The following PTPRG variants were observed in gnomAD, a reference collection of about 807,000 sequenced individuals.
PTPRG encodes the protein receptor-type tyrosine-protein phosphatase gamma.
A neutral mutation model predicts 165.3 loss-of-function variants in PTPRG; 102 were observed. That is an observed-to-expected ratio of 0.62 (90% CI 0.53 to 0.73). The LOEUF is 0.73. Ranked by LOEUF, PTPRG falls within the 30% of genes least tolerant of loss-of-function variation. The pLI, the probability that PTPRG is intolerant of heterozygous loss-of-function variation, is 0.00. For missense variants in PTPRG, 1,866 were observed against 1,861.4 expected (o/e 1.00, Z -0.05); for synonymous variants, 675 against 669.5 (o/e 1.01, Z -0.13).
At chr3:61,643,726 T>G (rs950742287) in intron 1 of PTPRG, among the ~76,000 whole-genome samples, 1 of 151,410 alleles carries the variant, frequency 6.6e-6, no homozygotes, top group African/African-American at 2.4e-5. Flanking sequence ...ATTGCACCAG[T>G]GCACTCCAGC....
At chr3:61,864,168 C>G (rs928684058) in intron 2 of PTPRG, among the ~76,000 whole-genome samples, 2 of 152,170 alleles carry the variant, frequency 1.3e-5, no homozygotes, top group Non-Finnish European at 2.9e-5. Context: ...TCAAAATCCT[C>G]TCTTTGAACC....
intron 4 of PTPRG, 109 bp from the exon 5 acceptor site, chr3:62,078,054 G>T: frequency 1.5e-6 from 1 of 685,014 alleles, no homozygotes; most frequent in East Asian, 3.2e-5. Context: ...GAATAAATTT[G>T]GCAAAATCTT....
rs543202153 is a variant in PTPRG at position 61,836,796 on chromosome 3, G to A, written c.190+87814G>A. 4.6e-5 allele frequency among the ~76,000 whole-genome samples: 7 copies of A among 152,222 alleles called. No homozygotes were observed. In the East Asian group the frequency reaches 7.7e-4, roughly 17 times the overall value. On this transcript the variant is annotated intron_variant, in intron 2 of 29. Transcript: ENST00000474889. ...GTCTCTGTCTGTCACCCAGGCTGGA[G>A]TGCAATGGCACAATCTCGGCTCACT...
chr3:61,683,744 T>C (rs1194013938), intron 1 of PTPRG, among the ~76,000 whole-genome samples: 2 of 152,250 alleles, frequency 1.3e-5, no homozygotes, highest in African/African-American at 4.8e-5. Context: ...GGAAGCCTTC[T>C]TGAAAAACAT....
intron 1 of PTPRG, among the ~76,000 whole-genome samples, chr3:61,579,622 T>A (rs1700238466): frequency 6.6e-6 from 1 of 152,246 alleles, no homozygotes; most frequent in African/African-American, 2.4e-5. Context: ...AAGCCAGGCT[T>A]CTGACTCCAA....
intron 1 of PTPRG, among the ~76,000 whole-genome samples, chr3:61,677,543 G>A (rs1191356986): frequency 6.6e-6 from 1 of 152,180 alleles, no homozygotes; most frequent in Admixed American, 6.5e-5. Context: ...TTTGGTAGAT[G>A]TATATTTACT....
chr3:61,794,489 G>A (rs1245483287), intron 2 of PTPRG, among the ~76,000 whole-genome samples: 6 of 152,112 alleles, frequency 3.9e-5, no homozygotes, highest in Admixed American at 6.6e-5. Context: ...CATGCCTTCC[G>A]AAGTCTTTCA....
At chr3:61,719,259 T>G (rs775078837) in intron 1 of PTPRG, among the ~76,000 whole-genome samples, 2 of 152,250 alleles carry the variant, frequency 1.3e-5, no homozygotes, top group African/African-American at 4.8e-5. Context: ...TCTATGAAGA[T>G]GTAATCGAGG....
intron 5 of PTPRG, among the ~76,000 whole-genome samples, chr3:62,108,619 C>T (rs1347215379): frequency 3.9e-5 from 6 of 152,342 alleles, no homozygotes; most frequent in Admixed American, 6.5e-5. Flanking sequence ...GGAATCACCA[C>T]GCTGTCTTCC....
At chr3:61,576,551 T>G (rs553096632) in intron 1 of PTPRG, among the ~76,000 whole-genome samples, 19 of 152,304 alleles carry the variant, frequency 1.2e-4, no homozygotes, top group African/African-American at 4.6e-4. Context: ...ATCACAGAGC[T>G]TTTTGCTACT....
chr3:61,932,262 C>A (rs1211085856), intron 2 of PTPRG, among the ~76,000 whole-genome samples: 1 of 152,166 alleles, frequency 6.6e-6, no homozygotes, highest in Non-Finnish European at 1.5e-5. Flanking sequence ...TACATAGATT[C>A]TTGTAATGCA....
rs1398970088 is a variant in PTPRG at position 62,213,571 on chromosome 3, G to A, written c.2156-5280G>A. Among the ~76,000 whole-genome samples the A allele has an allele frequency of 1.3e-5, 2 of 152,068 alleles. No individual in the cohort carries two copies. Among genetic ancestry groups the A allele is most frequent in the African/African-American group, 2.4e-5 (1 of 41,386 alleles). On this transcript the variant is annotated intron_variant, in intron 12 of 29. Transcript: ENST00000474889. The surrounding 1 kb of genome is among the most constrained non-coding windows in gnomAD (Gnocchi z 4.4). Reference sequence around the variant, plus strand: ...ATACAGGAGTGAACAGACACTCAGAGATGGGCATTTACCCAAAGCCACACA... The same window carrying A: ...ATACAGGAGTGAACAGACACTCAGAAATGGGCATTTACCCAAAGCCACACA...
intron 6 of PTPRG, among the ~76,000 whole-genome samples, chr3:62,140,993 C>T (rs1188869057): frequency 2.0e-5 from 3 of 151,848 alleles, no homozygotes; most frequent in Non-Finnish European, 4.4e-5. Context: ...TAAAAATTTC[C>T]ATGCTGTCCC....
chr3:61,939,279 A>G (rs1028579546), intron 2 of PTPRG, among the ~76,000 whole-genome samples: 36 of 152,210 alleles, frequency 2.4e-4, no homozygotes, highest in Non-Finnish European at 4.3e-4. Context: ...ATAATTTGAC[A>G]TGAAGTGCCT....
chr3:62,064,169 T>C (rs1700919241), intron 4 of PTPRG, among the ~76,000 whole-genome samples: 1 of 152,144 alleles, frequency 6.6e-6, no homozygotes, highest in Non-Finnish European at 1.5e-5. Flanking sequence ...AGCCAGCAAG[T>C]GTTTTAAACA....
chr3:61,826,413 T>C (rs954486939), intron 2 of PTPRG, among the ~76,000 whole-genome samples: 3 of 152,104 alleles, frequency 2.0e-5, no homozygotes, highest in African/African-American at 7.2e-5. Flanking sequence ...CACTGGAGAA[T>C]CATTGGGAAA....
At chr3:62,018,788 G>A (rs1375578283) in intron 4 of PTPRG, among the ~76,000 whole-genome samples, 1 of 152,182 alleles carries the variant, frequency 6.6e-6, no homozygotes, top group African/African-American at 2.4e-5. Flanking sequence ...CGGGGAAGCA[G>A]GAGGACCCAC....
chr3:62,056,680 A>G (rs1482198816), intron 4 of PTPRG, among the ~76,000 whole-genome samples: 1 of 152,190 alleles, frequency 6.6e-6, no homozygotes, highest in Non-Finnish European at 1.5e-5. Context: ...TGTGACAACC[A>G]AAAATGTTCC....
chr3:61,590,404 A>G (rs1179492908), intron 1 of PTPRG, among the ~76,000 whole-genome samples: 1 of 152,076 alleles, frequency 6.6e-6, no homozygotes, highest in Non-Finnish European at 1.5e-5. Context: ...CGCACCTGTA[A>G]CCACAGCTAC....
Sources: gnomAD v4.1 joint callset for allele counts (sites outside exome capture counted in the v4.1 genomes callset) on GRCh38, gnomAD v4.1.1 for gene constraint, Gnocchi (gnomAD v3.1) non-coding constraint, MANE v1.5 for transcripts, NCBI Gene and HGNC (gene_info 2026-07-23, HGNC 2026-07-21) for gene names.